The following MDGA2 variants were observed in gnomAD, a reference collection of about 807,000 sequenced individuals.
MDGA2 encodes MAM domain containing glycosylphosphatidylinositol anchor 2, also known as MAM domain-containing glycosylphosphatidylinositol anchor protein 2.
MDGA2 carries 40 observed loss-of-function variants against 117.8 expected under a neutral mutation model. The observed-to-expected ratio is 0.34, with a 90% confidence interval of 0.26 to 0.44. The LOEUF (loss-of-function observed/expected upper bound fraction) is 0.44. Ranked by LOEUF, MDGA2 falls within the 20% of genes least tolerant of loss-of-function variation. The pLI is 1.00. For missense variants in MDGA2, 1,123 were observed against 1,250.6 expected (o/e 0.90, Z 1.54); for synonymous variants, 452 against 439.0 (o/e 1.03, Z -0.37).
intron 1 of MDGA2, among the ~76,000 whole-genome samples, chr14:47,427,185 C>G (rs553353851): frequency 6.6e-6 from 1 of 152,204 alleles, no homozygotes; most frequent in Non-Finnish European, 1.5e-5. Context: ...CATTACTTTT[C>G]TTTAGTGTTT....
intron 10 of MDGA2, among the ~76,000 whole-genome samples, chr14:46,916,841 C>T (rs572778117): frequency 2.6e-5 from 4 of 151,658 alleles, no homozygotes; most frequent in East Asian, 1.9e-4. Flanking sequence ...ATAAAAAGCA[C>T]CCTAGAAAAA....
intron 5 of MDGA2, among the ~76,000 whole-genome samples, chr14:47,107,895 G>A (rs1405397720): frequency 3.3e-5 from 5 of 151,526 alleles, no homozygotes; most frequent in African/African-American, 1.2e-4. Flanking sequence ...TTCCTACAGG[G>A]TCTGAGAAGG....
At chr14:47,415,900 C>T (rs1892465942) in intron 1 of MDGA2, among the ~76,000 whole-genome samples, 1 of 152,084 alleles carries the variant, frequency 6.6e-6, no homozygotes, top group Non-Finnish European at 1.5e-5. Flanking sequence ...ATGAGGACTC[C>T]ACCTGCATGA....
intron 1 of MDGA2, among the ~76,000 whole-genome samples, chr14:47,317,395 A>T (rs1427286043): frequency 6.6e-6 from 1 of 152,112 alleles, no homozygotes; most frequent in Non-Finnish European, 1.5e-5. Context: ...ATGTGTGTAT[A>T]TTTATGAAAA....
At chr14:47,494,561 C>T (rs985752694) in intron 1 of MDGA2, among the ~76,000 whole-genome samples, 6 of 152,060 alleles carry the variant, frequency 3.9e-5, no homozygotes, top group Admixed American at 2.6e-4. Flanking sequence ...GTTTTTGTTG[C>T]ATTTTCTTTT....
At chr14:47,488,055 C>T (rs1204357173) in intron 1 of MDGA2, among the ~76,000 whole-genome samples, 1 of 152,088 alleles carries the variant, frequency 6.6e-6, no homozygotes, top group East Asian at 1.9e-4. Context: ...AGCCCTGGGG[C>T]TCTCTGGGTT....
At chr14:46,890,421 G>A (rs921753504) in intron 10 of MDGA2, among the ~76,000 whole-genome samples, 6 of 152,012 alleles carry the variant, frequency 3.9e-5, no homozygotes, top group African/African-American at 1.2e-4. Context: ...AACTTATATA[G>A]CAAACTACTT....
At chr14:47,671,965 C>A (rs1201372669) in intron 1 of MDGA2, among the ~76,000 whole-genome samples, 2 of 152,174 alleles carry the variant, frequency 1.3e-5, no homozygotes, top group Non-Finnish European at 2.9e-5. Context: ...GTTAGTGCTT[C>A]TCAACTTCAG....
Position 47,559,206 on chromosome 14 carries a change from A to G in MDGA2, c.280+115311T>C, listed in dbSNP as rs574701123. 2.4e-4 allele frequency among the ~76,000 whole-genome samples: 36 copies of G among 152,320 alleles called. No homozygotes were observed. The South Asian group carries it at 6.8e-3, about 29-fold the overall frequency. Reference sequence around the variant, plus strand: ...TTCACCCAGGTAATAAGCATAGTACACGGCAGACAGTTTTTCAATCTTCAC... The same window carrying G: ...TTCACCCAGGTAATAAGCATAGTACGCGGCAGACAGTTTTTCAATCTTCAC... On this transcript the variant is annotated intron_variant, in intron 1 of 16. Transcript: ENST00000399232.
At chr14:46,939,561 A>G (rs961588165) in intron 9 of MDGA2, among the ~76,000 whole-genome samples, 4 of 152,196 alleles carry the variant, frequency 2.6e-5, no homozygotes, top group Admixed American at 2.6e-4. Context: ...TTAATCTTTG[A>G]TAAAACAATT....
chr14:47,365,122 C>T (rs1035679116), intron 1 of MDGA2, among the ~76,000 whole-genome samples: 8 of 152,140 alleles, frequency 5.3e-5, no homozygotes, highest in Non-Finnish European at 7.3e-5. Flanking sequence ...GTTGCCCAAG[C>T]GTATTATCAT....
chr14:47,008,768 A>G (rs993673900), intron 8 of MDGA2, among the ~76,000 whole-genome samples: 1 of 151,956 alleles, frequency 6.6e-6, no homozygotes, highest in Non-Finnish European at 1.5e-5. Flanking sequence ...TGCTTTATAC[A>G]TATAATTAAC....
intron 10 of MDGA2, among the ~76,000 whole-genome samples, chr14:46,915,748 G>C (rs1883873319): frequency 6.6e-6 from 1 of 152,112 alleles, no homozygotes; most frequent in Admixed American, 6.6e-5. Flanking sequence ...AAAGCGGCAG[G>C]AGGCATCATT....
intron 1 of MDGA2, among the ~76,000 whole-genome samples, chr14:47,561,141 G>GTTTTTTTTTTTTTTTTTTTTTTT (rs745347174): frequency 1.9e-5 from 1 of 52,150 alleles, no homozygotes; most frequent in African/African-American, 5.5e-5. Context: ...CTCTATCTTT[G>GTTTTTTTTTTTTTTTTTTTTTTT]TTTTTTTTTT....
chr14:47,508,110 T>C (rs978532632), intron 1 of MDGA2, among the ~76,000 whole-genome samples: 2 of 152,236 alleles, frequency 1.3e-5, no homozygotes, highest in African/African-American at 4.8e-5. Flanking sequence ...TATGGAAGAC[T>C]TCCAACATAA....
intron 3 of MDGA2, among the ~76,000 whole-genome samples, chr14:47,153,832 A>G (rs1883260109): frequency 6.6e-6 from 1 of 152,160 alleles, no homozygotes; most frequent in African/African-American, 2.4e-5. Context: ...TTCCACAGCC[A>G]TGGAGAGGTT....
chr14:46,841,791 A>T lies in MDGA2; in HGVS notation c.*140T>A, dbSNP rs1880623179. ...CTTTTTATCCCCAGTGCTTAAAAAAATTTGTTTTTATTATTTTATTTTTGA... is the reference window on the plus strand; with the variant it reads ...CTTTTTATCCCCAGTGCTTAAAAAATTTTGTTTTTATTATTTTATTTTTGA... On this transcript the variant is annotated 3_prime_UTR_variant, in exon 17 of 17. Transcript: ENST00000399232. The T allele has an allele frequency of 7.4e-6, 4 of 540,602 alleles. No homozygotes were observed. Among genetic ancestry groups the T allele is most frequent in the Non-Finnish European group, 1.3e-5 (4 of 306,134 alleles). The allele number at this position is 540,602 out of a possible 1,614,324, so 33.5% of individuals were successfully genotyped here. A position where few individuals can be genotyped will look rare whatever the true frequency, so the allele number is the denominator to read the frequency against.
At chr14:47,448,342 G>A (rs544396392) in intron 1 of MDGA2, among the ~76,000 whole-genome samples, 11 of 151,992 alleles carry the variant, frequency 7.2e-5, no homozygotes, top group Admixed American at 2.0e-4. Context: ...TTTTCATCAT[G>A]TTGGCCAGGC....
chr14:46,983,716 A>C (rs1021728388), intron 8 of MDGA2, among the ~76,000 whole-genome samples: 1 of 152,108 alleles, frequency 6.6e-6, no homozygotes. Flanking sequence ...GGCACTTCAC[A>C]CATTAAAAGA....
Sources: allele counts gnomAD v4.1 joint callset (sites outside exome capture counted in the v4.1 genomes callset), GRCh38; gene constraint gnomAD v4.1.1; transcripts MANE v1.5; gene names NCBI Gene and HGNC (gene_info 2026-07-23, HGNC 2026-07-21).